NGEF: variants seen among roughly 807,000 people sequenced by gnomAD.
NGEF encodes the protein ephexin-1.
A neutral mutation model predicts 80.9 loss-of-function variants in NGEF; 31 were observed. The observed-to-expected ratio is 0.38, with a 90% CI of 0.29 to 0.52. The LOEUF (loss-of-function observed/expected upper bound fraction) is 0.52, where lower values mean the gene tolerates loss of function less well. Ranked by LOEUF, NGEF falls within the 20% of genes least tolerant of loss-of-function variation. The probability of loss-of-function intolerance (pLI) is 0.84; values close to 1 mark genes in which losing one functional copy is unlikely to be tolerated. For missense variants in NGEF, 709 were observed against 926.2 expected (o/e 0.77, Z 3.04); for synonymous variants, 371 against 370.2 (o/e 1.00, Z -0.03).
chr2:232,897,638 C>T (rs1469494904), intron 5 of NGEF, among the ~76,000 whole-genome samples: 2 of 152,220 alleles, frequency 1.3e-5, no homozygotes, highest in African/African-American at 2.4e-5. Context: ...ACATTGATGT[C>T]ACTCCAGGGC....
chr2:232,888,559 G>GCA lies in NGEF; in HGVS notation c.1273-454_1273-453dup, dbSNP rs947225237. Among the ~76,000 whole-genome samples the GCA allele has an allele frequency of 4.0e-5, 6 of 149,318 alleles. No homozygotes were observed. In the South Asian group the frequency reaches 8.6e-4, roughly 21 times the overall value. On this transcript the variant is annotated intron_variant, in intron 8 of 14. Coordinates refer to ENST00000264051, the MANE Select transcript of NGEF (RefSeq NM_019850.3). The stretch of plus-strand genomic sequence containing the variant: ...CATGCATGCACATACATGCATACCT[G>GCA]CACACACACACGCATGCACGCACAC...
chr2:232,960,272 G>A (rs1314170175), intron 3 of NGEF, among the ~76,000 whole-genome samples: 3 of 152,194 alleles, frequency 2.0e-5, no homozygotes, highest in African/African-American at 7.2e-5. Flanking sequence ...TGGCACTTTT[G>A]TGATATGAAA....
chr2:233,011,547 T>C (rs1695203172), intron 1 of NGEF, among the ~76,000 whole-genome samples: 1 of 150,604 alleles, frequency 6.6e-6, no homozygotes, highest in African/African-American at 2.5e-5. Flanking sequence ...TGGTACAAGC[T>C]TCCGGTCTCC....
At chr2:232,979,395 C>CACAG (rs1361701557) in intron 1 of NGEF, among the ~76,000 whole-genome samples, 2 of 7,890 alleles carry the variant, frequency 2.5e-4, no homozygotes, top group East Asian at 2.4e-3. Flanking sequence ...CACACACACA[C>CACAG]AGGAAGAGAT....
chr2:232,948,157 G>A (rs1693599567), intron 3 of NGEF, among the ~76,000 whole-genome samples: 1 of 147,872 alleles, frequency 6.8e-6, no homozygotes, highest in Non-Finnish European at 1.5e-5. Context: ...ATGTGTGTGT[G>A]TGTGTGTGTG....
chr2:232,898,985 A>T (rs1175906422), intron 5 of NGEF, among the ~76,000 whole-genome samples: 2 of 151,170 alleles, frequency 1.3e-5, no homozygotes, highest in African/African-American at 4.9e-5. Flanking sequence ...TGTGTGTGTG[A>T]ATGTGAGTGT....
At chr2:232,890,716 C>T (rs904863423) in intron 8 of NGEF, among the ~76,000 whole-genome samples, 11 of 152,140 alleles carry the variant, frequency 7.2e-5, no homozygotes, top group Admixed American at 3.3e-4. Context: ...CCCCACTCCC[C>T]GACCCAGCCC....
rs1233040784 is a variant in NGEF at position 232,900,893 on chromosome 2, C to T, written c.829-5977G>A. On this transcript the variant is annotated intron_variant, in intron 5 of 14. Coordinates refer to ENST00000264051, the MANE Select transcript of NGEF (RefSeq NM_019850.3). ...GGACCTGAAGCCAGGTGAGCAGGCCCCCTCTCAGGCAGCGCGGGCCACGGG... is the reference window on the plus strand; with the variant it reads ...GGACCTGAAGCCAGGTGAGCAGGCCTCCTCTCAGGCAGCGCGGGCCACGGG... Among the ~76,000 whole-genome samples the T allele has an allele frequency of 2.0e-5, 3 of 152,222 alleles. No homozygotes were observed. The East Asian group carries it at 5.8e-4, about 29-fold the overall frequency.
At chr2:232,914,124 C>G (rs192354492) in intron 5 of NGEF, among the ~76,000 whole-genome samples, 1 of 152,288 alleles carries the variant, frequency 6.6e-6, no homozygotes, top group East Asian at 1.9e-4. Context: ...CACACTCATT[C>G]CTTTACACAG....
intron 1 of NGEF, among the ~76,000 whole-genome samples, chr2:232,976,275 C>T (rs1458480030): frequency 1.3e-5 from 2 of 152,170 alleles, no homozygotes; most frequent in South Asian, 2.1e-4. Context: ...TACGATTCAT[C>T]AGGAGTGTTT....
rs1381444738 is a variant in NGEF, at chr2:232,974,804, C to T, written c.87G>A (p.Lys29=). The change falls in exon 2 of 15, where the codon AAG becomes AAA. Residue 29 remains lysine (K), a synonymous_variant. Transcript: ENST00000264051. ...TTTCTGGGAGTAACTCAGGTTTCAC[C>T]TTGGCTGGTTCATTATCAGTGTTCC... ...DQWNTDNEPA[K]VKPELLPEKE... is the part of the protein sequence containing the mutation. The T allele has an allele frequency of 6.2e-7, 1 of 1,614,214 alleles. No homozygotes were observed. Among genetic ancestry groups the T allele is most frequent in the South Asian group, 1.1e-5 (1 of 91,088 alleles).
Position 232,879,499 on chromosome 2 carries a change from T to G in NGEF, c.2123A>C (p.Asn708Thr), listed in dbSNP as rs1302703360. Residue 708 changes from asparagine (N) to threonine (T), a missense_variant, in exon 15 of 15, where the codon AAT becomes ACT. Around this residue, in one of 2 missense-constraint regions of NGEF, gnomAD observed 426 missense variants for 622.9 expected, o/e 0.68. Transcript: ENST00000264051. Reference protein sequence around the residue: ...NKDRRKLGSRNRQ With the variant: ...NKDRRKLGSRTRQ ...CCCCCTGGGTGGGGGTCATTGCCGATTCCGGCTGCCCAGCTTCCTGCGGTC... is the reference window on the plus strand; with the variant it reads ...CCCCCTGGGTGGGGGTCATTGCCGAGTCCGGCTGCCCAGCTTCCTGCGGTC... 6.2e-7 allele frequency: 1 copy of G among 1,602,992 alleles called. No individual in the cohort carries two copies. The highest frequency in any genetic ancestry group is 1.3e-5 in the African/African-American group (1 of 74,378).
chr2:232,972,634 A>T (rs943944354), intron 2 of NGEF, among the ~76,000 whole-genome samples: 2 of 149,564 alleles, frequency 1.3e-5, no homozygotes, highest in African/African-American at 4.9e-5. Flanking sequence ...TAAAATGGGT[A>T]TGGTAAGAAT....
At chr2:232,905,273 C>T (rs1692472953) in intron 5 of NGEF, among the ~76,000 whole-genome samples, 2 of 152,180 alleles carry the variant, frequency 1.3e-5, no homozygotes, top group Admixed American at 6.5e-5. Flanking sequence ...GACTGGTTTT[C>T]GTATTTTTTT....
intron 2 of NGEF, among the ~76,000 whole-genome samples, chr2:232,974,221 C>G (rs1181144038): frequency 6.6e-6 from 1 of 152,156 alleles, no homozygotes; most frequent in African/African-American, 2.4e-5. Flanking sequence ...GCAGCAGAAG[C>G]TTTGGCTATG....
At chr2:232,961,532 G>A (rs970562446) in intron 3 of NGEF, among the ~76,000 whole-genome samples, 4 of 151,876 alleles carry the variant, frequency 2.6e-5, no homozygotes, top group African/African-American at 7.3e-5. Flanking sequence ...TAGCTCTGTC[G>A]CCCAGGCTGG....
At chr2:232,905,826 C>T (rs541469570) in intron 5 of NGEF, 263 of 292,262 alleles carry the variant, frequency 9.0e-4, no homozygotes, top group Non-Finnish European at 7.2e-4. Flanking sequence ...CCCCTCCGCC[C>T]GGCTGCCACC....
chr2:232,941,739 T>A (rs1693441816), intron 3 of NGEF, among the ~76,000 whole-genome samples: 1 of 152,194 alleles, frequency 6.6e-6, no homozygotes, highest in Non-Finnish European at 1.5e-5. Context: ...CTGGTCCACT[T>A]GAAAATGATG....
intron 3 of NGEF, among the ~76,000 whole-genome samples, chr2:232,946,341 C>T (rs4973581): frequency 0.19 from 29,247 of 151,926 alleles, 3,010 homozygotes; most frequent in East Asian, 0.35. Context: ...GTGTATACTG[C>T]TCGGCTGATA....
Sources: gnomAD v4.1 joint callset for allele counts (sites outside exome capture counted in the v4.1 genomes callset) on GRCh38, gnomAD v4.1.1 for gene constraint, gnomAD v4.1.1 regional missense constraint, MANE v1.5 for transcripts, NCBI Gene and HGNC (gene_info 2026-07-23, HGNC 2026-07-21) for gene names.